RPTOR: variants seen among roughly 807,000 people sequenced by gnomAD.
RPTOR encodes regulatory associated protein of MTOR complex 1.
In RPTOR, 21 loss-of-function variants were observed where a neutral mutation model predicts 169.9. That is an observed-to-expected ratio of 0.12 (90% CI 0.09 to 0.18). The LOEUF is 0.18. Ranked by LOEUF, RPTOR falls within the 10% of genes least tolerant of loss-of-function variation. The pLI is 1.00. For synonymous variants in RPTOR, 732 were observed against 753.2 expected (o/e 0.97, Z 0.46); for missense variants, 1,133 against 1,855.9 (o/e 0.61, Z 7.16).
intron 3 of RPTOR, among the ~76,000 whole-genome samples, chr17:80,662,096 T>C (rs2065728639): frequency 6.6e-6 from 1 of 152,122 alleles, no homozygotes; most frequent in Admixed American, 6.5e-5. Flanking sequence ...GAGTGTTTAG[T>C]CTGATGAGTT....
chr17:80,732,515 A>C (rs747148891), intron 5 of RPTOR, among the ~76,000 whole-genome samples: 13 of 152,214 alleles, frequency 8.5e-5, no homozygotes, highest in Non-Finnish European at 1.9e-4. Context: ...AGGAAAAAAA[A>C]ATGTTTGACT....
chr17:80,780,407 C>A (rs540192671), intron 6 of RPTOR, among the ~76,000 whole-genome samples: 1 of 152,218 alleles, frequency 6.6e-6, no homozygotes, highest in African/African-American at 2.4e-5. Context: ...GAAACCACCA[C>A]GGTTTAAATG....
At chr17:80,577,141 C>A (rs562697438) in intron 1 of RPTOR, among the ~76,000 whole-genome samples, 2 of 151,692 alleles carry the variant, frequency 1.3e-5, no homozygotes, top group South Asian at 4.2e-4. Flanking sequence ...AAATGATTCT[C>A]CAGCCTCATC....
Position 80,901,262 on chromosome 17 carries a change from C to T in RPTOR, c.2401+7397C>T, listed in dbSNP as rs367915929. 4.4e-4 allele frequency among the ~76,000 whole-genome samples: 67 copies of T among 152,224 alleles called. 1 individual carries two copies. The South Asian group carries it at 1.0e-2, about 23-fold the overall frequency. ...GGGAAGCACACAGCAGCCTGGGGCC[C>T]GGACACAGGGGCTTGGCCTCCATGA... On this transcript the variant is annotated intron_variant, in intron 20 of 33. Transcript: ENST00000306801.
chr17:80,577,633 TAC>T (rs1269405879), intron 1 of RPTOR, among the ~76,000 whole-genome samples: 1 of 152,144 alleles, frequency 6.6e-6, no homozygotes, highest in Non-Finnish European at 1.5e-5. Flanking sequence ...TGGATAAGTG[TAC>T]AGTCTATACT....
chr17:80,563,578 A>G (rs1166056965), intron 1 of RPTOR, among the ~76,000 whole-genome samples: 1 of 45,796 alleles, frequency 2.2e-5, no homozygotes, highest in Non-Finnish European at 6.5e-5. Context: ...AAAAAAAAAA[A>G]AAAAGATAAT....
At chr17:80,808,195 C>T (rs769627672) in intron 7 of RPTOR, among the ~76,000 whole-genome samples, 6 of 151,800 alleles carry the variant, frequency 4.0e-5, no homozygotes, top group Non-Finnish European at 8.8e-5. Flanking sequence ...GAGGCTGAGG[C>T]ATGAGAATTG....
chr17:80,930,350 C>T (rs2144008269), intron 24 of RPTOR, among the ~76,000 whole-genome samples: 1 of 52,728 alleles, frequency 1.9e-5, no homozygotes, highest in African/African-American at 8.4e-5. Flanking sequence ...ATCCTCAGCT[C>T]ATCCCCAGCT....
chr17:80,900,612 G>T (rs76844015), intron 20 of RPTOR, among the ~76,000 whole-genome samples: 3,836 of 152,320 alleles, frequency 0.025, 137 homozygotes, highest in African/African-American at 0.081. Context: ...CACTGTGCTC[G>T]ACTGGCCTTC....
Position 80,883,849 on chromosome 17 carries a change from G to A in RPTOR, c.1719G>A (p.Leu573=). 1 of 1,613,686 alleles carries A rather than the reference G, an allele frequency of 6.2e-7. No homozygotes were observed. The highest frequency in any genetic ancestry group is 8.5e-7 in the Non-Finnish European group (1 of 1,180,026). ...LEQLNDPHPL[L]RQWVAICLGR... is the part of the protein sequence containing the mutation. ...AGCTCAACGACCCGCACCCCTTGCTGCGCCAGTGGGTGGCCATCTGCCTCG... is the reference window on the plus strand; with the variant it reads ...AGCTCAACGACCCGCACCCCTTGCTACGCCAGTGGGTGGCCATCTGCCTCG... The change falls in exon 16 of 34, where the codon CTG becomes CTA. Residue 573 remains leucine, a synonymous_variant. Coordinates refer to ENST00000306801, the MANE Select transcript of RPTOR (RefSeq NM_020761.3).
chr17:80,594,258 T>C (rs1049406745), intron 1 of RPTOR, among the ~76,000 whole-genome samples: 6 of 151,902 alleles, frequency 3.9e-5, no homozygotes, highest in African/African-American at 1.5e-4. Flanking sequence ...CATGCCCGGC[T>C]AATTTTTGTA....
intron 21 of RPTOR, among the ~76,000 whole-genome samples, chr17:80,920,697 C>T (rs1416162693): frequency 6.6e-6 from 1 of 152,266 alleles, no homozygotes; most frequent in African/African-American, 2.4e-5. Flanking sequence ...CCAGCAGCGC[C>T]TGAGCCTTTG....
chr17:80,789,733 A>G (rs568957535), intron 6 of RPTOR, among the ~76,000 whole-genome samples: 1 of 152,380 alleles, frequency 6.6e-6, no homozygotes, highest in African/African-American at 2.4e-5. Context: ...GGGAAAAGCC[A>G]GATGAAAGTG....
rs559121405 is a variant in RPTOR, at chr17:80,865,697, G to A, written c.1509+7797G>A. Among the ~76,000 whole-genome samples the A allele has an allele frequency of 5.9e-5, 9 of 152,128 alleles. No homozygotes were observed. The South Asian group carries it at 1.9e-3, about 32-fold the overall frequency. ...ACTGCGAGGAGAAGTAGATAAATCC[G>A]TAATTACATTTGGAGGTTTCAGTGC... On this transcript the variant is annotated intron_variant, in intron 13 of 33. Transcript: ENST00000306801.
intron 13 of RPTOR, among the ~76,000 whole-genome samples, chr17:80,872,218 C>T (rs1033538174): frequency 2.6e-5 from 4 of 152,180 alleles, no homozygotes; most frequent in Admixed American, 6.5e-5. Flanking sequence ...CTGTCATCAG[C>T]GAGGAGGTGC....
At chr17:80,873,997 G>A (rs1309840612) in intron 13 of RPTOR, among the ~76,000 whole-genome samples, 1 of 152,186 alleles carries the variant, frequency 6.6e-6, no homozygotes, top group Non-Finnish European at 1.5e-5. Context: ...AGTGGAATAA[G>A]GATTACATGT....
intron 21 of RPTOR, among the ~76,000 whole-genome samples, chr17:80,913,013 CGTGTGTGTGCACGCGTGTGTGTGT>C (rs1190672358): frequency 1.3e-5 from 2 of 151,818 alleles, no homozygotes; most frequent in African/African-American, 4.8e-5. Flanking sequence ...TGTCTGTGTG[CGTGTGTGTGCACGCGTGTGTGTGT>C]GTCTGAGTGT....
intron 6 of RPTOR, among the ~76,000 whole-genome samples, chr17:80,789,697 A>G (rs1017715946): frequency 7.2e-5 from 11 of 152,198 alleles, no homozygotes; most frequent in African/African-American, 2.7e-4. Flanking sequence ...TAACCCCCAC[A>G]TGACTTGTGA....
intron 3 of RPTOR, among the ~76,000 whole-genome samples, chr17:80,698,285 C>T (rs1191265244): frequency 6.6e-6 from 1 of 152,178 alleles, no homozygotes; most frequent in Non-Finnish European, 1.5e-5. Flanking sequence ...GGGCCCCATG[C>T]AGAGGGGCTG....
Sources: gnomAD v4.1 joint callset for allele counts (sites outside exome capture counted in the v4.1 genomes callset) on GRCh38, gnomAD v4.1.1 for gene constraint, MANE v1.5 for transcripts, NCBI Gene and HGNC (gene_info 2026-07-23, HGNC 2026-07-21) for gene names.